Variants in SEMA3C observed in about 807,000 individuals in gnomAD.
SEMA3C encodes semaphorin 3C.
A neutral mutation model predicts 89.4 loss-of-function variants in SEMA3C; 47 were observed. That is an observed-to-expected ratio of 0.53 (90% CI 0.42 to 0.67). The LOEUF (loss-of-function observed/expected upper bound fraction) is 0.67, where lower values mean the gene tolerates loss of function less well. SEMA3C is among the 30% of genes least tolerant of loss of function. The pLI, the probability that SEMA3C is intolerant of heterozygous loss-of-function variation, is 0.00. For missense variants in SEMA3C, 839 were observed against 929.1 expected, an observed-to-expected ratio of 0.90 and a Z score of 1.26; for synonymous variants, 310 against 320.2, an observed-to-expected ratio of 0.97 and a Z score of 0.34.
upstream of SEMA3C, among the ~76,000 whole-genome samples, chr7:80,920,829 T>A (rs187583364): frequency 2.8e-3 from 423 of 152,302 alleles, 1 homozygote; most frequent in Middle Eastern, 0.01. Flanking sequence ...CTGAAATACT[T>A]CTGAAACTGA....
intron 11 of SEMA3C, among the ~76,000 whole-genome samples, chr7:80,793,686 T>G (rs989380731): frequency 5.9e-5 from 9 of 151,960 alleles, no homozygotes; most frequent in African/African-American, 2.2e-4. Flanking sequence ...TGAAGAGGTT[T>G]AGGGATGATA....
chr7:80,772,332 T>TA (rs1302569957), intron 12 of SEMA3C, among the ~76,000 whole-genome samples: 2 of 152,226 alleles, frequency 1.3e-5, no homozygotes, highest in Non-Finnish European at 2.9e-5. Context: ...AAATCTTTAT[T>TA]AGTTCACTGA....
intron 12 of SEMA3C, among the ~76,000 whole-genome samples, chr7:80,784,271 T>TAA (rs562925081): frequency 7.5e-6 from 1 of 133,064 alleles, no homozygotes; most frequent in Non-Finnish European, 1.6e-5. Context: ...TCCTCAAGAT[T>TAA]AAAAAAAAAA....
chr7:80,748,775 C>T, intron 17 of SEMA3C, 123 bp downstream of exon 17: 1 of 964,932 alleles, frequency 1.0e-6, no homozygotes, highest in South Asian at 1.9e-5. Context: ...ACTTGTCATC[C>T]CAAAGACGTA....
At chr7:80,840,032 T>C (rs1266299413) in intron 2 of SEMA3C, among the ~76,000 whole-genome samples, 1 of 152,084 alleles carries the variant, frequency 6.6e-6, no homozygotes, top group African/African-American at 2.4e-5. Flanking sequence ...ATGTGCTTAG[T>C]GAAGTCTCTT....
intron 2 of SEMA3C, among the ~76,000 whole-genome samples, chr7:80,839,770 T>C (rs1350256629): frequency 2.0e-5 from 3 of 151,666 alleles, no homozygotes; most frequent in Non-Finnish European, 4.4e-5. Context: ...CCTGACATGG[T>C]ATATCATGTC....
chr7:80,845,191 A>T (rs1790361228), intron 2 of SEMA3C, among the ~76,000 whole-genome samples: 1 of 152,082 alleles, frequency 6.6e-6, no homozygotes, highest in African/African-American at 2.4e-5. Flanking sequence ...CCTCACGCAG[A>T]CTGAAAACTA....
intron 2 of SEMA3C, among the ~76,000 whole-genome samples, chr7:80,909,926 T>C (rs1426343190): frequency 2.6e-5 from 4 of 152,210 alleles, no homozygotes; most frequent in African/African-American, 9.6e-5. Context: ...CTCAAATTAC[T>C]GCTGAAAATC....
At chr7:80,827,392 GTTTTTTTTTTT>G (rs36066966) in intron 4 of SEMA3C, 22 bp downstream of exon 4, 135 of 1,234,288 alleles carry the variant, frequency 1.1e-4, no homozygotes, top group African/African-American at 1.7e-4. Context: ...TTAAGTTAGT[GTTTTTTTTTTT>G]TTTTTTTTTT....
At chr7:80,779,670 C>G (rs1223805951) in intron 12 of SEMA3C, among the ~76,000 whole-genome samples, 3 of 152,190 alleles carry the variant, frequency 2.0e-5, no homozygotes, top group Non-Finnish European at 4.4e-5. Context: ...ATGGCTGACA[C>G]ACTCTTAGGT....
chr7:80,856,529 G>A (rs943400867), intron 2 of SEMA3C, among the ~76,000 whole-genome samples: 2 of 130,940 alleles, frequency 1.5e-5, no homozygotes, highest in Non-Finnish European at 3.1e-5. Flanking sequence ...ATTCTGCATT[G>A]GTTAAGGAAA....
intron 8 of SEMA3C, 37 bp from the exon 9 acceptor site, chr7:80,802,816 A>G (rs752857068): frequency 6.7e-7 from 1 of 1,484,258 alleles, no homozygotes; most frequent in East Asian, 2.3e-5. Flanking sequence ...AGATTGCTTA[A>G]GTAAATATTG....
chr7:80,829,594 A>G (rs1323444034), intron 2 of SEMA3C, among the ~76,000 whole-genome samples: 1 of 152,160 alleles, frequency 6.6e-6, no homozygotes, highest in Non-Finnish European at 1.5e-5. Flanking sequence ...TTTTAGCAGC[A>G]TAACTATTCA....
intron 12 of SEMA3C, among the ~76,000 whole-genome samples, chr7:80,777,349 T>C (rs944279016): frequency 6.6e-6 from 1 of 152,176 alleles, no homozygotes. Context: ...TAGAGTACAG[T>C]GGCACAATCT....
intron 12 of SEMA3C, 150 bp from the exon 13 acceptor site, chr7:80,765,393 G>A (rs1788275733): frequency 5.4e-6 from 3 of 558,080 alleles, no homozygotes; most frequent in Middle Eastern, 4.0e-4. Context: ...TGTGCTGAAT[G>A]TATTCCAAAT....
At chr7:80,920,234 T>C (rs187055626), upstream of SEMA3C, among the ~76,000 whole-genome samples, 154 of 152,272 alleles carry the variant, frequency 1.0e-3, no homozygotes, top group African/African-American at 3.4e-3. Flanking sequence ...CACAATAAAC[T>C]AGATGTTTAA....
rs376400900 is a variant in SEMA3C, at chr7:80,821,924, T to C, written c.328-3506A>G. On this transcript the variant is annotated intron_variant, in intron 4 of 17. Transcript: ENST00000265361. ...GCAATGAGCAGATTCCCACACTATC[T>C]GTTGCTCAATGTGCTCCCTGCCCCT... Among the ~76,000 whole-genome samples the C allele has an allele frequency of 3.0e-4, 45 of 151,692 alleles. No homozygotes were observed. In the East Asian group the frequency reaches 6.7e-3, roughly 22 times the overall value.
upstream of SEMA3C, chr7:80,919,215 G>A: frequency 1.0e-6 from 1 of 985,076 alleles, no homozygotes; most frequent in South Asian, 4.7e-5. Flanking sequence ...CCCCGAGCGC[G>A]CCCGCGAGAG....
intron 2 of SEMA3C, among the ~76,000 whole-genome samples, chr7:80,842,689 A>G (rs1193346604): frequency 6.6e-6 from 1 of 152,068 alleles, no homozygotes; most frequent in Non-Finnish European, 1.5e-5. Flanking sequence ...AAAGCAACAC[A>G]TTTTACTAGG....
Sources: allele counts gnomAD v4.1 joint callset (sites outside exome capture counted in the v4.1 genomes callset), GRCh38; gene constraint gnomAD v4.1.1; transcripts MANE v1.5; gene names NCBI Gene and HGNC (gene_info 2026-07-23, HGNC 2026-07-21).